GLI3: variants seen among roughly 807,000 people sequenced by gnomAD.
GLI3 encodes the protein GLI family zinc finger 3.
A neutral mutation model predicts 100.8 loss-of-function variants in GLI3; 20 were observed. The observed-to-expected ratio is 0.20, with a 90% confidence interval of 0.14 to 0.29. The LOEUF is 0.29. Among genes scored for constraint, GLI3 ranks in the 10% least tolerant of loss-of-function variants. GLI3 has a pLI of 1.00. For synonymous variants in GLI3, 938 were observed against 860.5 expected, an observed-to-expected ratio of 1.09 and a Z score of -1.58; for missense variants, 2,040 against 2,128.5, an observed-to-expected ratio of 0.96 and a Z score of 0.82.
At position 42,209,812 on chromosome 7, in the gene GLI3, TTCTC is replaced by T. The variant is rs1164646599; in HGVS notation, c.124+13314_124+13317del. 5.6e-3 allele frequency among the ~76,000 whole-genome samples: 774 copies of T among 137,232 alleles called. 8 individuals carry two copies. The highest frequency in any genetic ancestry group is 0.016 in the African/African-American group (657 of 40,062). The allele number at this position is 137,232 out of a possible 152,430, so 90.0% of individuals were successfully genotyped here. A position where few individuals can be genotyped will look rare whatever the true frequency, so the allele number is the denominator to read the frequency against. ...TCCACGTTTCCTAATCACTGAGAGGTTCTCTCTCTTTTTTTTTTTTTTTGAGACA... is the reference window on the plus strand; with the variant it reads ...TCCACGTTTCCTAATCACTGAGAGGTTCTCTTTTTTTTTTTTTTTGAGACA... On this transcript the variant is annotated intron_variant, in intron 2 of 14. Coordinates refer to ENST00000395925, the MANE Select transcript of GLI3 (RefSeq NM_000168.6).
intron 7 of GLI3, among the ~76,000 whole-genome samples, chr7:42,039,473 ATACT>A (rs1164073260): frequency 6.6e-6 from 1 of 152,212 alleles, no homozygotes; most frequent in Admixed American, 6.5e-5. Context: ...TAAGCTAAAA[ATACT>A]TAATGGAAAA....
At chr7:42,229,602 C>T (rs973196516) in intron 1 of GLI3, among the ~76,000 whole-genome samples, 1 of 152,194 alleles carries the variant, frequency 6.6e-6, no homozygotes, top group Non-Finnish European at 1.5e-5. Flanking sequence ...TACCCTGTAG[C>T]ACTGAAGAGT....
chr7:42,041,558 C>A (rs1008141160), intron 6 of GLI3, among the ~76,000 whole-genome samples: 23 of 152,230 alleles, frequency 1.5e-4, no homozygotes, highest in African/African-American at 5.3e-4. Flanking sequence ...GTTTCTAACA[C>A]CTCATAGAAT....
At position 41,965,917 on chromosome 7, in the gene GLI3, G is replaced by C; in HGVS notation, c.3156C>G (p.Pro1052=). ...RSLVLQNYTR[P]EGGQSRNFHS... is the part of the protein sequence containing the mutation. ...GGAAGTTTCGGGACTGGCCGCCCTC[G>C]GGCCGCGTGTAATTCTGAAGCACGA... Residue 1052 remains proline, a synonymous_variant, in exon 15 of 15, where the codon CCC becomes CCG. Transcript: ENST00000395925. The C allele has an allele frequency of 6.2e-7, 1 of 1,613,434 alleles. No homozygotes were observed. The highest frequency in any genetic ancestry group is 8.5e-7 in the Non-Finnish European group (1 of 1,179,930).
intron 3 of GLI3, among the ~76,000 whole-genome samples, chr7:42,095,109 A>T (rs1785310222): frequency 6.6e-6 from 1 of 152,234 alleles, no homozygotes; most frequent in South Asian, 2.1e-4. Context: ...GTGACTCCTA[A>T]GCAGCTCAGT....
chr7:42,056,240 A>G, intron 4 of GLI3, among the ~76,000 whole-genome samples: 1 of 152,192 alleles, frequency 6.6e-6, no homozygotes, highest in Non-Finnish European at 1.5e-5. Flanking sequence ...AGAATCCGCT[A>G]TGATTTCTGC....
intron 10 of GLI3, among the ~76,000 whole-genome samples, chr7:41,981,577 G>T (rs540241879): frequency 6.6e-6 from 1 of 152,304 alleles, no homozygotes; most frequent in Admixed American, 6.5e-5. Flanking sequence ...AGAAAGAAAG[G>T]GAAGGCATCT....
At chr7:42,250,105 A>T (rs912564742) in intron 1 of GLI3, among the ~76,000 whole-genome samples, 5 of 152,124 alleles carry the variant, frequency 3.3e-5, no homozygotes, top group Non-Finnish European at 5.9e-5. Context: ...AACAACAAAA[A>T]AAAAGTTACT....
chr7:42,154,475 T>C (rs1440232134), intron 2 of GLI3, among the ~76,000 whole-genome samples: 1 of 152,244 alleles, frequency 6.6e-6, no homozygotes, highest in Non-Finnish European at 1.5e-5. Context: ...TGCTTCGCTG[T>C]GTTTGCAAAG....
intron 8 of GLI3, among the ~76,000 whole-genome samples, chr7:42,025,857 C>T (rs576486670): frequency 5.9e-5 from 9 of 152,276 alleles, no homozygotes; most frequent in South Asian, 2.1e-4. Flanking sequence ...GTGGTTCTAG[C>T]GGAGGGAGTG....
chr7:42,005,967 G>A (rs780909491), intron 10 of GLI3, among the ~76,000 whole-genome samples: 7 of 152,230 alleles, frequency 4.6e-5, no homozygotes, highest in Middle Eastern at 3.4e-3. Context: ...CTCCATAAGC[G>A]AAATGATGTT....
chr7:42,081,501 T>C (rs1784995705), intron 3 of GLI3, among the ~76,000 whole-genome samples: 1 of 152,180 alleles, frequency 6.6e-6, no homozygotes, highest in South Asian at 2.1e-4. Flanking sequence ...GGTAGAGTTG[T>C]CAGTATTCCA....
At chr7:42,243,655 A>C (rs1788945583) in intron 1 of GLI3, among the ~76,000 whole-genome samples, 1 of 152,250 alleles carries the variant, frequency 6.6e-6, no homozygotes. Context: ...TATCCGGATT[A>C]GTAGATGCCA....
rs139026838 is a variant in GLI3, at chr7:42,040,202, C to T, written c.864G>A (p.Pro288=). 3.0e-5 allele frequency: 48 copies of T among 1,613,854 alleles called. No individual in the cohort carries two copies. The highest frequency in any genetic ancestry group is 3.7e-5 in the Non-Finnish European group (44 of 1,179,916). Residue 288 remains proline (P), a synonymous_variant, in exon 7 of 15, where the codon CCG becomes CCA. Coordinates refer to ENST00000395925, the MANE Select transcript of GLI3 (RefSeq NM_000168.6). ...ATATGGACAGTGTACGTTTTCGGCT[C>T]GGCCTGGCTGACAGCCTGGGGCTGG... ...RFSSPRLSAR[P]SRKRTLSISP...
chr7:41,971,396 C>T (rs992962485), intron 13 of GLI3, among the ~76,000 whole-genome samples: 7 of 152,224 alleles, frequency 4.6e-5, no homozygotes, highest in East Asian at 1.9e-4. Context: ...ATCCATTCTA[C>T]GCATGGCCAG....
In GLI3 at chr7:42,026,385, G is replaced by C. The variant is rs372501575; in HGVS notation, c.1056C>G (p.Ser352=). ...ISPALSFTYS[S]APVSLHMHQQ... ...GATGCATGTGGAGAGAGACGGGCGC[G>C]GAAGAGTAGGTGAAGCTCAAGGCAG... The change falls in exon 8 of 15, where the codon TCC becomes TCG. Residue 352 remains serine (S), a synonymous_variant. Coordinates refer to ENST00000395925, the MANE Select transcript of GLI3 (RefSeq NM_000168.6). 20 of 1,614,022 alleles carry C rather than the reference G, an allele frequency of 1.2e-5. No individual in the cohort carries two copies. The highest frequency in any genetic ancestry group is 2.2e-5 in the East Asian group (1 of 44,890).
chr7:42,010,154 C>T (rs141913196), intron 10 of GLI3, among the ~76,000 whole-genome samples: 384 of 152,312 alleles, frequency 2.5e-3, no homozygotes, highest in African/African-American at 8.8e-3. Flanking sequence ...TTCAACAAGG[C>T]CCCCAGGGAA....
rs190911303 is a variant in GLI3, at chr7:42,008,427, A to T, written c.1497+15041T>A. On this transcript the variant is annotated intron_variant, in intron 10 of 14. Coordinates refer to ENST00000395925, the MANE Select transcript of GLI3 (RefSeq NM_000168.6). ...TTTCTGCCCACCTTCAACTTGCAAA[A>T]CTTCTCTTCCTTGGTTCTTCTTTAT... is the stretch of plus-strand genomic sequence containing the variant. Among the ~76,000 whole-genome samples the T allele has an allele frequency of 2.0e-5, 3 of 152,094 alleles. No individual in the cohort carries two copies. The East Asian group carries it at 5.8e-4, about 29-fold the overall frequency.
chr7:42,045,847 C>T (rs1308922214), intron 5 of GLI3, among the ~76,000 whole-genome samples: 1 of 152,150 alleles, frequency 6.6e-6, no homozygotes, highest in Non-Finnish European at 1.5e-5. Context: ...CAAATAAAAT[C>T]ATTTTTATAT....
Sources: allele counts gnomAD v4.1 joint callset (sites outside exome capture counted in the v4.1 genomes callset), GRCh38; gene constraint gnomAD v4.1.1; transcripts MANE v1.5; gene names NCBI Gene and HGNC (gene_info 2026-07-23, HGNC 2026-07-21).